MNAT1: variants seen among roughly 807,000 people sequenced by gnomAD.
MNAT1 encodes CDK-activating kinase assembly factor MAT1.
In MNAT1, 43 loss-of-function variants were observed where a neutral mutation model predicts 42.0. The ratio of observed to expected loss-of-function variants is 1.02; its 90% confidence interval spans 0.80 to 1.32. The LOEUF is 1.32. Among genes scored for constraint, MNAT1 ranks in the 40% most tolerant of loss-of-function variants. The pLI is 0.00. For synonymous variants in MNAT1, 118 were observed against 120.0 expected (o/e 0.98, Z 0.11); for missense variants, 306 against 350.4 (o/e 0.87, Z 1.01).
chr14:60,909,105 G>C (rs191586976), intron 7 of MNAT1, among the ~76,000 whole-genome samples: 6 of 152,284 alleles, frequency 3.9e-5, no homozygotes, highest in Admixed American at 2.6e-4. Context: ...GTGTCTGTTG[G>C]CTGCATAAAT....
rs552088214 is a variant in MNAT1, at chr14:60,738,244, A to G, written c.89+3293A>G. 2.9e-5 allele frequency among the ~76,000 whole-genome samples: 4 copies of G among 138,032 alleles called. No homozygotes were observed. The East Asian group carries it at 6.3e-4, about 22-fold the overall frequency. 90.6% of individuals were successfully genotyped at this position (138,032 alleles called of 152,430 possible). A position where few individuals can be genotyped will look rare whatever the true frequency, so the allele number is the denominator to read the frequency against. On this transcript the variant is annotated intron_variant, in intron 1 of 7. Coordinates refer to ENST00000261245, the MANE Select transcript of MNAT1 (RefSeq NM_002431.4). Reference sequence around the variant, plus strand: ...ATCAGATGCTTTTCTGATAAGAAAAACATCTTGGATTTTTTTTTTTTTTTT... The same window carrying G: ...ATCAGATGCTTTTCTGATAAGAAAAGCATCTTGGATTTTTTTTTTTTTTTT...
At chr14:60,945,062 G>A (rs2036244929) in intron 7 of MNAT1, among the ~76,000 whole-genome samples, 1 of 152,152 alleles carries the variant, frequency 6.6e-6, no homozygotes, top group Non-Finnish European at 1.5e-5. Flanking sequence ...GTGAAGACCT[G>A]AATCAGAGTT....
chr14:60,884,242 A>G (rs2034612879), intron 7 of MNAT1, among the ~76,000 whole-genome samples: 2 of 152,088 alleles, frequency 1.3e-5, no homozygotes, highest in African/African-American at 4.8e-5. Flanking sequence ...AATTCCTTTT[A>G]TACCCAGGTT....
In MNAT1 at chr14:60,792,573, A is replaced by G. The variant is rs147273444; in HGVS notation, c.90-3644A>G. ...CTAACGAAGAATGGAAAGTGCTGAT[A>G]AAACTAGGTTACTTCACAGAAAGTC... On this transcript the variant is annotated intron_variant, in intron 1 of 7. Transcript: ENST00000261245. Among the ~76,000 whole-genome samples the G allele has an allele frequency of 1.4e-3, 211 of 152,300 alleles. 2 individuals are homozygous for G. In the East Asian group the frequency reaches 0.029, roughly 21 times the overall value.
chr14:60,768,955 T>A (rs2140305564), intron 1 of MNAT1, among the ~76,000 whole-genome samples: 1 of 152,370 alleles, frequency 6.6e-6, no homozygotes, highest in Middle Eastern at 3.4e-3. Context: ...ATGTTGAGTT[T>A]ACATTTTTAA....
chr14:60,964,073 A>G (rs1176937239), intron 7 of MNAT1, among the ~76,000 whole-genome samples: 1 of 152,200 alleles, frequency 6.6e-6, no homozygotes, highest in Non-Finnish European at 1.5e-5. Context: ...ATAGGAAAAG[A>G]GTAATCTCAG....
intron 1 of MNAT1, among the ~76,000 whole-genome samples, chr14:60,746,933 C>A (rs1284235159): frequency 8.3e-5 from 1 of 12,004 alleles, no homozygotes; most frequent in African/African-American, 2.6e-4. Context: ...TACACACACA[C>A]ACACACACAC....
At chr14:60,836,274 C>T (rs1013254576) in intron 6 of MNAT1, among the ~76,000 whole-genome samples, 2 of 152,252 alleles carry the variant, frequency 1.3e-5, no homozygotes, top group South Asian at 4.1e-4. Flanking sequence ...AGTTTGTTCC[C>T]TTGCTGGTGA....
chr14:60,968,404 C>G lies in MNAT1; in HGVS notation c.*55C>G. On this transcript the variant is annotated 3_prime_UTR_variant, in exon 8 of 8. Coordinates refer to ENST00000261245, the MANE Select transcript of MNAT1 (RefSeq NM_002431.4). The stretch of plus-strand genomic sequence containing the variant: ...AACCAGGGAGCTAGCAAAAGTAAAG[C>G]AGACTTATAAAATTATAGCTATGTG... 6.3e-7 allele frequency: 1 copy of G among 1,583,604 alleles called. No homozygotes were observed. Among genetic ancestry groups the G allele is most frequent in the African/African-American group, 1.4e-5 (1 of 73,428 alleles).
At chr14:60,838,755 C>T (rs760380728) in intron 6 of MNAT1, among the ~76,000 whole-genome samples, 6 of 152,016 alleles carry the variant, frequency 3.9e-5, no homozygotes, top group Non-Finnish European at 7.4e-5. Context: ...CCTGCACTCT[C>T]GGGGGTCTGG....
intron 7 of MNAT1, among the ~76,000 whole-genome samples, chr14:60,935,985 G>C (rs936206507): frequency 1.3e-5 from 2 of 152,148 alleles, no homozygotes; most frequent in Non-Finnish European, 2.9e-5. Flanking sequence ...AAAAAACCCA[G>C]CACAGTGAGA....
intron 6 of MNAT1, among the ~76,000 whole-genome samples, chr14:60,876,578 T>C (rs963850227): frequency 2.6e-5 from 4 of 152,066 alleles, no homozygotes; most frequent in Non-Finnish European, 5.9e-5. Context: ...CACTAACTGC[T>C]CTTTCCCATG....
At chr14:60,742,732 A>G (rs1182722994) in intron 1 of MNAT1, among the ~76,000 whole-genome samples, 1 of 152,234 alleles carries the variant, frequency 6.6e-6, no homozygotes, top group Non-Finnish European at 1.5e-5. Context: ...GACCTTTCAT[A>G]TAAATGGAAT....
At chr14:60,791,834 A>G (rs975113775) in intron 1 of MNAT1, among the ~76,000 whole-genome samples, 1 of 152,284 alleles carries the variant, frequency 6.6e-6, no homozygotes, top group African/African-American at 2.4e-5. Flanking sequence ...TGAAGATTCA[A>G]TTGGTTACTT....
At chr14:60,834,539 T>C (rs1408284059) in intron 6 of MNAT1, among the ~76,000 whole-genome samples, 2 of 152,112 alleles carry the variant, frequency 1.3e-5, no homozygotes, top group African/African-American at 4.8e-5. Flanking sequence ...GTTATGATTT[T>C]TGTTCTTTTG....
chr14:60,759,140 G>C (rs2030489577), intron 1 of MNAT1, among the ~76,000 whole-genome samples: 1 of 152,084 alleles, frequency 6.6e-6, no homozygotes, highest in African/African-American at 2.4e-5. Flanking sequence ...TTACATATTA[G>C]GTTTCTGGGT....
chr14:60,757,143 T>G (rs1419031576), intron 1 of MNAT1, among the ~76,000 whole-genome samples: 1 of 152,156 alleles, frequency 6.6e-6, no homozygotes, highest in South Asian at 2.1e-4. Flanking sequence ...CACAGAGTAC[T>G]AAGAAGCTAA....
At chr14:60,879,481 A>C (rs1043543673) in intron 6 of MNAT1, among the ~76,000 whole-genome samples, 8 of 152,106 alleles carry the variant, frequency 5.3e-5, no homozygotes, top group African/African-American at 1.9e-4. Context: ...TTTAACGCTA[A>C]ATCTGAATTT....
intron 7 of MNAT1, among the ~76,000 whole-genome samples, chr14:60,890,135 T>C (rs1447313661): frequency 6.6e-6 from 1 of 152,194 alleles, no homozygotes; most frequent in Non-Finnish European, 1.5e-5. Context: ...CATGCTGCTA[T>C]AAAGACACAT....
Sources: gnomAD v4.1 joint callset for allele counts (sites outside exome capture counted in the v4.1 genomes callset) on GRCh38, gnomAD v4.1.1 for gene constraint, MANE v1.5 for transcripts, NCBI Gene and HGNC (gene_info 2026-07-23, HGNC 2026-07-21) for gene names.